BTC: variants seen among roughly 807,000 people sequenced by gnomAD.
BTC encodes probetacellulin.
Under a neutral mutation model 18.1 loss-of-function variants are expected in BTC, and 13 were observed. That is an observed-to-expected ratio of 0.72 (90% CI 0.47 to 1.14). The LOEUF (loss-of-function observed/expected upper bound fraction) is 1.14. Among genes scored for constraint, BTC ranks in the 50% most tolerant of loss-of-function variants. BTC has a pLI of 0.00. For synonymous variants in BTC, 83 were observed against 79.4 expected, an observed-to-expected ratio of 1.05 and a Z score of -0.24; for missense variants, 247 against 224.2, an observed-to-expected ratio of 1.10 and a Z score of -0.65.
intron 5 of BTC, among the ~76,000 whole-genome samples, chr4:74,747,293 C>T (rs1724317748): frequency 6.6e-6 from 1 of 152,280 alleles, no homozygotes; most frequent in Admixed American, 6.5e-5. Flanking sequence ...CCTCTGGTTT[C>T]TGGTGGGTTT....
intron 2 of BTC, among the ~76,000 whole-genome samples, chr4:74,763,150 C>A: frequency 6.6e-6 from 1 of 152,062 alleles, no homozygotes; most frequent in East Asian, 1.9e-4. Context: ...TGTTTTTAAG[C>A]CCATTTGCCC....
At chr4:74,785,489 C>G (rs1289814529) in intron 1 of BTC, among the ~76,000 whole-genome samples, 4 of 151,944 alleles carry the variant, frequency 2.6e-5, no homozygotes, top group Non-Finnish European at 5.9e-5. Flanking sequence ...GCTCTTGGTT[C>G]TCTAGTTCTT....
chr4:74,750,201 A>C (rs550615250), intron 4 of BTC, among the ~76,000 whole-genome samples: 2 of 152,340 alleles, frequency 1.3e-5, no homozygotes, highest in African/African-American at 4.8e-5. Context: ...AATAGAAAGT[A>C]AAAGGAAAAA....
intron 1 of BTC, among the ~76,000 whole-genome samples, chr4:74,780,322 C>T (rs1280706137): frequency 2.0e-5 from 3 of 152,176 alleles, no homozygotes; most frequent in Middle Eastern, 3.4e-3. Flanking sequence ...TATTTAACAG[C>T]GAAGACAAAT....
chr4:74,751,648 G>C (rs1553956203), intron 3 of BTC, among the ~76,000 whole-genome samples: 1 of 152,134 alleles, frequency 6.6e-6, no homozygotes, highest in African/African-American at 2.4e-5. Flanking sequence ...TGACCAAGCT[G>C]GGGCTTGTCT....
chr4:74,772,016 T>C (rs1341749216), intron 1 of BTC, among the ~76,000 whole-genome samples: 1 of 152,222 alleles, frequency 6.6e-6, no homozygotes, highest in Non-Finnish European at 1.5e-5. Flanking sequence ...CTTGTGTTCC[T>C]AAATAAAGCA....
intron 1 of BTC, among the ~76,000 whole-genome samples, chr4:74,788,762 G>A (rs769747390): frequency 2.6e-5 from 4 of 152,166 alleles, no homozygotes; most frequent in African/African-American, 7.2e-5. Flanking sequence ...TTTGCTAATT[G>A]CGATAGTCAG....
At chr4:74,772,987 T>C (rs1725084718) in intron 1 of BTC, among the ~76,000 whole-genome samples, 1 of 151,906 alleles carries the variant, frequency 6.6e-6, no homozygotes, top group Non-Finnish European at 1.5e-5. Context: ...GCAAAAGGAG[T>C]TTGCTGTCCT....
At chr4:74,784,578 T>C (rs1351154098) in intron 1 of BTC, among the ~76,000 whole-genome samples, 2 of 152,216 alleles carry the variant, frequency 1.3e-5, no homozygotes, top group Non-Finnish European at 2.9e-5. Context: ...ATATGGCTCT[T>C]ACTGTTTTGA....
chr4:74,776,667 G>A (rs748280698), intron 1 of BTC, among the ~76,000 whole-genome samples: 14 of 152,128 alleles, frequency 9.2e-5, no homozygotes, highest in Admixed American at 5.9e-4. Context: ...CAAAGTCACT[G>A]CTAATGCTGA....
At chr4:74,791,947 C>T (rs2109925140) in intron 1 of BTC, among the ~76,000 whole-genome samples, 1 of 150,078 alleles carries the variant, frequency 6.7e-6, no homozygotes, top group East Asian at 2.0e-4. Flanking sequence ...TCAATGCCCA[C>T]TCTCATCGCA....
At chr4:74,760,725 T>C (rs1223975613) in intron 2 of BTC, among the ~76,000 whole-genome samples, 3 of 144,888 alleles carry the variant, frequency 2.1e-5, no homozygotes, top group East Asian at 4.2e-4. Flanking sequence ...ATGGACAGAT[T>C]AGCATGTCAT....
chr4:74,766,253 C>G (rs1560715792), intron 2 of BTC, among the ~76,000 whole-genome samples: 5 of 151,914 alleles, frequency 3.3e-5, no homozygotes, highest in Non-Finnish European at 7.4e-5. Context: ...TCTTAGGCTA[C>G]AATACATTTG....
intron 1 of BTC, among the ~76,000 whole-genome samples, chr4:74,783,054 G>T (rs892841463): frequency 1.3e-5 from 2 of 152,100 alleles, no homozygotes; most frequent in African/African-American, 4.8e-5. Context: ...CAGGTTGTCT[G>T]TTCAGTCTGA....
At chr4:74,767,680 A>G (rs1724935985) in intron 2 of BTC, among the ~76,000 whole-genome samples, 2 of 152,118 alleles carry the variant, frequency 1.3e-5, no homozygotes, top group African/African-American at 4.8e-5. Flanking sequence ...CATCTACAGC[A>G]TGGTACTGGC....
chr4:74,781,963 T>C (rs948327421), intron 1 of BTC, among the ~76,000 whole-genome samples: 12 of 152,206 alleles, frequency 7.9e-5, no homozygotes, highest in African/African-American at 2.7e-4. Flanking sequence ...TTTTCTTTTT[T>C]GTAATGTCAC....
At chr4:74,776,821 TATA>T (rs1306800137) in intron 1 of BTC, among the ~76,000 whole-genome samples, 1 of 152,202 alleles carries the variant, frequency 6.6e-6, no homozygotes, top group Non-Finnish European at 1.5e-5. Flanking sequence ...TAAAAATAAA[TATA>T]ATATCACAAA....
chr4:74,757,521 C>A (rs1724631926), intron 2 of BTC, among the ~76,000 whole-genome samples: 1 of 152,180 alleles, frequency 6.6e-6, no homozygotes, highest in East Asian at 1.9e-4. Context: ...AAGGCAAAGA[C>A]CTCTGTATTT....
At chr4:74,789,808 G>A (rs1042399516) in intron 1 of BTC, among the ~76,000 whole-genome samples, 2 of 151,972 alleles carry the variant, frequency 1.3e-5, no homozygotes, top group East Asian at 1.9e-4. Context: ...CTGACAACCC[G>A]ATTTTCATGA....
Sources: allele counts gnomAD v4.1 joint callset (sites outside exome capture counted in the v4.1 genomes callset), GRCh38; gene constraint gnomAD v4.1.1; transcripts MANE v1.5; gene names NCBI Gene and HGNC (gene_info 2026-07-23, HGNC 2026-07-21).